Variants in CUX2 observed in about 807,000 individuals in gnomAD.
The protein encoded by CUX2 is homeobox protein cut-like 2.
In CUX2, 40 loss-of-function variants were observed where a neutral mutation model predicts 144.8. That is an observed-to-expected ratio of 0.28 (90% CI 0.21 to 0.36). The LOEUF (loss-of-function observed/expected upper bound fraction) is 0.36. CUX2 is among the 10% of genes least tolerant of loss of function. The pLI, the probability that CUX2 is intolerant of heterozygous loss-of-function variation, is 1.00. For missense variants in CUX2, 1,615 were observed against 1,994.0 expected (o/e 0.81, Z 3.62); for synonymous variants, 827 against 875.6 (o/e 0.94, Z 0.98).
At chr12:111,042,812 T>A (rs1338434991) in intron 1 of CUX2, among the ~76,000 whole-genome samples, 1 of 149,606 alleles carries the variant, frequency 6.7e-6, no homozygotes, top group African/African-American at 2.5e-5. Context: ...TTTTTTTTTT[T>A]AACGTAGAAG....
At chr12:111,040,328 A>T (rs984498693) in intron 1 of CUX2, among the ~76,000 whole-genome samples, 2 of 151,674 alleles carry the variant, frequency 1.3e-5, no homozygotes, top group Non-Finnish European at 2.9e-5. Flanking sequence ...TCATGTTTAG[A>T]TTAAAATTCA....
rs1165459823 is a variant in CUX2 at position 111,255,934 on chromosome 12, C to G, written c.223-7827C>G. On this transcript the variant is annotated intron_variant, in intron 3 of 21. Transcript: ENST00000261726. This position sits in a 1 kb window ranked among gnomAD's most constrained non-coding sequence, Gnocchi z 4.1. Reference sequence around the variant, plus strand: ...CCTCAGGATAGTCTAGCCAGACCTCCCCACATGTGGGTCTCCCTGAGTACC... The same window carrying G: ...CCTCAGGATAGTCTAGCCAGACCTCGCCACATGTGGGTCTCCCTGAGTACC... Among the ~76,000 whole-genome samples the G allele has an allele frequency of 1.3e-5, 2 of 152,128 alleles. No homozygotes were observed. The highest frequency in any genetic ancestry group is 2.9e-5 in the Non-Finnish European group (2 of 68,022).
chr12:111,279,780 G>A (rs551410391), intron 4 of CUX2, among the ~76,000 whole-genome samples: 5 of 152,086 alleles, frequency 3.3e-5, no homozygotes, highest in Non-Finnish European at 7.4e-5. Context: ...TCAAGAGATC[G>A]AGACCATCCT....
At chr12:111,183,947 A>G (rs1414555245) in intron 1 of CUX2, among the ~76,000 whole-genome samples, 2 of 152,102 alleles carry the variant, frequency 1.3e-5, no homozygotes, top group Non-Finnish European at 2.9e-5. Context: ...ACCCATTGCT[A>G]CCTATTGTCA....
intron 1 of CUX2, among the ~76,000 whole-genome samples, chr12:111,071,213 G>A (rs374659276): frequency 6.6e-6 from 1 of 151,690 alleles, no homozygotes; most frequent in African/African-American, 2.4e-5. Context: ...CTTTCAAAGT[G>A]GCTACACCAT....
intron 19 of CUX2, among the ~76,000 whole-genome samples, chr12:111,338,041 G>GA (rs1295048617): frequency 6.6e-4 from 90 of 136,766 alleles, no homozygotes; most frequent in East Asian, 1.5e-3. Context: ...CTCAAAAAAA[G>GA]AAAAAAAAAA....
intron 1 of CUX2, among the ~76,000 whole-genome samples, chr12:111,102,738 G>T (rs1451576153): frequency 6.6e-6 from 1 of 152,094 alleles, no homozygotes; most frequent in Non-Finnish European, 1.5e-5. Context: ...TCCAGTTGCC[G>T]AGTGACTTCA....
intron 1 of CUX2, among the ~76,000 whole-genome samples, chr12:111,179,149 C>T (rs1316929145): frequency 6.6e-6 from 1 of 152,142 alleles, no homozygotes; most frequent in Non-Finnish European, 1.5e-5. Context: ...TGAGGATCCC[C>T]TCACAGGGAG....
intron 10 of CUX2, among the ~76,000 whole-genome samples, chr12:111,305,501 T>C (rs1272463841): frequency 6.6e-6 from 1 of 152,130 alleles, no homozygotes; most frequent in Non-Finnish European, 1.5e-5. Context: ...AGTTTCCTCA[T>C]CTGTACAATT....
At chr12:111,202,350 A>G (rs1880645676) in intron 1 of CUX2, among the ~76,000 whole-genome samples, 1 of 152,194 alleles carries the variant, frequency 6.6e-6, no homozygotes, top group Admixed American at 6.5e-5. Flanking sequence ...TAAATCAGCA[A>G]TCAAGGGCAG....
chr12:111,129,147 G>A (rs1875279243), intron 1 of CUX2, among the ~76,000 whole-genome samples: 1 of 152,248 alleles, frequency 6.6e-6, no homozygotes, highest in Admixed American at 6.5e-5. Flanking sequence ...GTGGAAGGCA[G>A]CTGAATTTTT....
Position 111,304,128 on chromosome 12 carries a change from A to G in CUX2, c.754-82A>G, listed in dbSNP as rs777373252. ...AGGCCCTCGGAGGTCTGCCTCCCCAACCCCTGCCTGAAACAGTGCAGGGAG... is the reference window on the plus strand; with the variant it reads ...AGGCCCTCGGAGGTCTGCCTCCCCAGCCCCTGCCTGAAACAGTGCAGGGAG... On this transcript the variant is annotated intron_variant, in intron 9 of 21. Transcript: ENST00000261726. This position sits in a 1 kb window ranked among gnomAD's most constrained non-coding sequence, Gnocchi z 4.7. 7 of 1,185,322 alleles carry G rather than the reference A, an allele frequency of 5.9e-6. No homozygotes were observed. The highest frequency in any genetic ancestry group is 7.3e-6 in the Non-Finnish European group (6 of 819,896). The allele number at this position is 1,185,322 out of a possible 1,614,324, so 73.4% of individuals were successfully genotyped here.
At chr12:111,146,208 A>G (rs1456815015) in intron 1 of CUX2, among the ~76,000 whole-genome samples, 1 of 152,184 alleles carries the variant, frequency 6.6e-6, no homozygotes, top group Non-Finnish European at 1.5e-5. Context: ...CAGAGTCCAC[A>G]GTTGACATTA....
rs768771928 is a variant in CUX2, at chr12:111,295,461, T to C, written c.637+52T>C. ...AGGGAGGACTGGGAGGGGACGGTAA[T>C]GCTGTCAACGAGGGGTCACGGCTTG... On this transcript the variant is annotated intron_variant, in intron 7 of 21. Coordinates refer to ENST00000261726, the MANE Select transcript of CUX2 (RefSeq NM_015267.4). The surrounding 1 kb of genome is among the most constrained non-coding windows in gnomAD (Gnocchi z 5.0). 6.5e-7 allele frequency: 1 copy of C among 1,538,332 alleles called. No homozygotes were observed. Among genetic ancestry groups the C allele is most frequent in the Non-Finnish European group, 8.9e-7 (1 of 1,125,246 alleles).
At chr12:111,092,104 T>C (rs562746989) in intron 1 of CUX2, among the ~76,000 whole-genome samples, 18 of 152,340 alleles carry the variant, frequency 1.2e-4, no homozygotes, top group African/African-American at 4.1e-4. Context: ...GATGTGAATT[T>C]TAGGGTACCA....
chr12:111,203,550 A>G (rs1374541957), intron 1 of CUX2, among the ~76,000 whole-genome samples: 1 of 151,104 alleles, frequency 6.6e-6, no homozygotes, highest in Non-Finnish European at 1.5e-5. Context: ...CTCTCAAAAA[A>G]AAAAAAAAAG....
At chr12:111,147,559 G>C (rs1312100007) in intron 1 of CUX2, among the ~76,000 whole-genome samples, 1 of 152,196 alleles carries the variant, frequency 6.6e-6, no homozygotes, top group Non-Finnish European at 1.5e-5. Flanking sequence ...TCGTGCTCTA[G>C]GCTCCCAGGA....
At chr12:111,288,332 T>C (rs1885498843) in intron 4 of CUX2, among the ~76,000 whole-genome samples, 2 of 152,098 alleles carry the variant, frequency 1.3e-5, no homozygotes, top group African/African-American at 4.8e-5. Flanking sequence ...GCATTTTACA[T>C]GCATCCTTAC....
At chr12:111,100,231 G>C in intron 1 of CUX2, 1 of 358,552 alleles carries the variant, frequency 2.8e-6, no homozygotes, top group Non-Finnish European at 5.5e-6. Context: ...GTCTGTGTGT[G>C]TCCTTGTGCC....
Sources: gnomAD v4.1 joint callset for allele counts (sites outside exome capture counted in the v4.1 genomes callset) on GRCh38, gnomAD v4.1.1 for gene constraint, Gnocchi (gnomAD v3.1) non-coding constraint, MANE v1.5 for transcripts, NCBI Gene and HGNC (gene_info 2026-07-23, HGNC 2026-07-21) for gene names.